The following INPP4B variants were observed in gnomAD, a reference collection of about 807,000 sequenced individuals.
The protein encoded by INPP4B is inositol polyphosphate 4-phosphatase type II.
INPP4B carries 55 observed loss-of-function variants against 122.5 expected under a neutral mutation model. The observed-to-expected ratio is 0.45, with a 90% CI of 0.36 to 0.56. The LOEUF is 0.56. Ranked by LOEUF, INPP4B falls within the 20% of genes least tolerant of loss-of-function variation. INPP4B has a pLI of 0.00. For synonymous variants in INPP4B, 403 were observed against 388.7 expected, an observed-to-expected ratio of 1.04 and a Z score of -0.43; for missense variants, 1,000 against 1,097.7, an observed-to-expected ratio of 0.91 and a Z score of 1.26.
chr4:142,039,061 T>C (rs1349411474), intron 25 of INPP4B, among the ~76,000 whole-genome samples: 1 of 152,146 alleles, frequency 6.6e-6, no homozygotes, highest in Non-Finnish European at 1.5e-5. Context: ...GGAGATGTGG[T>C]TTCCTGCCAG....
At chr4:142,400,430 T>C (rs186897114) in intron 7 of INPP4B, among the ~76,000 whole-genome samples, 115 of 152,296 alleles carry the variant, frequency 7.6e-4, no homozygotes, top group Non-Finnish European at 1.2e-3. Flanking sequence ...ATGATCTTAA[T>C]ATATTTAGGT....
intron 2 of INPP4B, among the ~76,000 whole-genome samples, chr4:142,496,118 C>T (rs145908511): frequency 3.4e-4 from 52 of 152,242 alleles, no homozygotes; most frequent in Middle Eastern, 6.8e-3. Context: ...TTACTTACTA[C>T]AGTCTACTTT....
chr4:142,323,554 T>C (rs1282472357), intron 7 of INPP4B, among the ~76,000 whole-genome samples: 1 of 150,674 alleles, frequency 6.6e-6, no homozygotes, highest in Non-Finnish European at 1.5e-5. Context: ...CACACCATTC[T>C]CTTGCCTCAG....
Position 142,403,717 on chromosome 4 carries a change from T to C in INPP4B, c.256-663A>G, listed in dbSNP as rs529394444. Among the ~76,000 whole-genome samples the C allele has an allele frequency of 3.3e-5, 5 of 152,306 alleles. No individual in the cohort carries two copies. The South Asian group carries it at 8.3e-4, about 25-fold the overall frequency. The stretch of plus-strand genomic sequence containing the variant: ...TTTTATACATATATATTGCCGAATA[T>C]CATGGAGATGTTTGCTAGAGTTCTA... On this transcript the variant is annotated intron_variant, in intron 6 of 25. Coordinates refer to ENST00000262992, the MANE Select transcript of INPP4B (RefSeq NM_001101669.3).
chr4:142,436,514 C>T (rs72944994), intron 3 of INPP4B, among the ~76,000 whole-genome samples: 6,173 of 152,194 alleles, frequency 0.041, 289 homozygotes, highest in African/African-American at 0.1. Flanking sequence ...AGCATCAGAT[C>T]GGTGCCTCTT....
intron 3 of INPP4B, among the ~76,000 whole-genome samples, chr4:142,449,684 G>C (rs897875706): frequency 7.3e-5 from 11 of 149,968 alleles, no homozygotes; most frequent in African/African-American, 2.5e-5. Context: ...TGGTGACAGA[G>C]CAAGACTCTG....
At chr4:142,116,261 A>G (rs146904145) in intron 21 of INPP4B, among the ~76,000 whole-genome samples, 19,078 of 152,080 alleles carry the variant, frequency 0.13, 1,369 homozygotes, top group East Asian at 0.23. Flanking sequence ...AAGGAGACAG[A>G]AAGTTAACAA....
intron 3 of INPP4B, among the ~76,000 whole-genome samples, chr4:142,457,606 A>T (rs917409473): frequency 6.6e-6 from 1 of 152,208 alleles, no homozygotes; most frequent in Non-Finnish European, 1.5e-5. Flanking sequence ...CTACATACAT[A>T]TTAGAATAAC....
At chr4:142,495,609 A>G (rs1822447333) in intron 2 of INPP4B, among the ~76,000 whole-genome samples, 1 of 151,902 alleles carries the variant, frequency 6.6e-6, no homozygotes, top group Non-Finnish European at 1.5e-5. Context: ...TGACTCCCAA[A>G]TCCTTAAGCA....
At chr4:142,151,221 C>T (rs1390061170) in intron 17 of INPP4B, among the ~76,000 whole-genome samples, 1 of 152,142 alleles carries the variant, frequency 6.6e-6, no homozygotes, top group Non-Finnish European at 1.5e-5. Flanking sequence ...TTGAGTTGCA[C>T]TTAAAATATT....
intron 2 of INPP4B, among the ~76,000 whole-genome samples, chr4:142,481,133 CAA>C (rs551228788): frequency 1.4e-3 from 81 of 57,876 alleles, no homozygotes; most frequent in Admixed American, 3.5e-3. Flanking sequence ...GACTCTGTCT[CAA>C]AAAAAAAAAA....
chr4:142,226,643 A>G lies in INPP4B; in HGVS notation c.836+11221T>C, dbSNP rs1057059383. Reference sequence around the variant, plus strand: ...ATTTTGTGCGCCTGCAACATGAATCATGAATTCTAACGAAAAGAGTAAAGT... The same window carrying G: ...ATTTTGTGCGCCTGCAACATGAATCGTGAATTCTAACGAAAAGAGTAAAGT... On this transcript the variant is annotated intron_variant, in intron 12 of 25. Transcript: ENST00000262992. Among the ~76,000 whole-genome samples, 7 of 152,350 alleles carry G rather than the reference A, an allele frequency of 4.6e-5. No homozygotes were observed. In the East Asian group the frequency reaches 1.4e-3, roughly 29 times the overall value.
chr4:142,027,072 T>A lies in INPP4B; in HGVS notation c.*1710A>T, dbSNP rs1056324496. On this transcript the variant is annotated 3_prime_UTR_variant, in exon 26 of 26. Coordinates refer to ENST00000262992, the MANE Select transcript of INPP4B (RefSeq NM_001101669.3). Reference sequence around the variant, plus strand: ...TGTATTTAATCACTAAAATAAAGAATGAGTTAAGAGAACATCAAGGTAATT... The same window carrying A: ...TGTATTTAATCACTAAAATAAAGAAAGAGTTAAGAGAACATCAAGGTAATT... The A allele has an allele frequency of 6.6e-6, 1 of 152,136 alleles. No individual in the cohort carries two copies. Among genetic ancestry groups the A allele is most frequent in the Non-Finnish European group, 1.5e-5 (1 of 68,020 alleles). The allele number at this position is 152,136 out of a possible 1,614,324, so 9.4% of individuals were successfully genotyped here.
At chr4:142,401,882 A>G (rs1487246371) in intron 7 of INPP4B, among the ~76,000 whole-genome samples, 1 of 152,232 alleles carries the variant, frequency 6.6e-6, no homozygotes, top group Admixed American at 6.5e-5. Context: ...CTGCAATTTT[A>G]AAGAAATGAA....
At chr4:142,121,381 A>G (rs1796485735) in intron 21 of INPP4B, among the ~76,000 whole-genome samples, 1 of 152,140 alleles carries the variant, frequency 6.6e-6, no homozygotes, top group Non-Finnish European at 1.5e-5. Context: ...TCTCTCTAGC[A>G]TGAAAAGGCT....
chr4:142,521,508 G>A (rs1008647329), intron 2 of INPP4B, among the ~76,000 whole-genome samples: 3 of 151,886 alleles, frequency 2.0e-5, no homozygotes, highest in Non-Finnish European at 4.4e-5. Context: ...ACTACAACAA[G>A]TACTGGCCAC....
intron 15 of INPP4B, among the ~76,000 whole-genome samples, chr4:142,183,812 ATATT>A (rs1831944639): frequency 6.6e-6 from 1 of 152,212 alleles, no homozygotes; most frequent in Non-Finnish European, 1.5e-5. Flanking sequence ...TTATCTTTAT[ATATT>A]TAGTTTTAAA....
At chr4:142,508,647 T>C (rs546040817) in intron 2 of INPP4B, among the ~76,000 whole-genome samples, 3 of 152,320 alleles carry the variant, frequency 2.0e-5, no homozygotes, top group East Asian at 3.9e-4. Flanking sequence ...CAACACTTTA[T>C]AGTGTTTCAA....
chr4:142,735,039 G>C (rs1000834503), intron 1 of INPP4B, among the ~76,000 whole-genome samples: 1 of 152,170 alleles, frequency 6.6e-6, no homozygotes, highest in Non-Finnish European at 1.5e-5. Flanking sequence ...CTACAGGTGT[G>C]ATCATTGGAG....
Sources: gnomAD v4.1 joint callset for allele counts (sites outside exome capture counted in the v4.1 genomes callset) on GRCh38, gnomAD v4.1.1 for gene constraint, MANE v1.5 for transcripts, NCBI Gene and HGNC (gene_info 2026-07-23, HGNC 2026-07-21) for gene names.